The following CHST6 variants were observed in gnomAD, a reference collection of about 807,000 sequenced individuals.
The protein encoded by CHST6 is carbohydrate sulfotransferase 6, also known as N-acetylglucosamine 6-O-sulfotransferase 5.
For missense variants in CHST6, 698 were observed against 586.2 expected (o/e 1.19, Z -1.97); for synonymous variants, 309 against 276.4 (o/e 1.12, Z -1.17).
chr16:75,491,797 C>G (rs978986438), intron 1 of CHST6, among the ~76,000 whole-genome samples: 4 of 152,142 alleles, frequency 2.6e-5, no homozygotes, highest in African/African-American at 7.2e-5. Context: ...TGTCTTTGTC[C>G]AGCTATCACT....
At chr16:75,479,991 A>G (rs907669474) in intron 2 of CHST6, 147 bp from the exon 3 acceptor site, 1 of 695,682 alleles carries the variant, frequency 1.4e-6, no homozygotes, top group Non-Finnish European at 2.4e-6. Context: ...TCTCCCGGAA[A>G]TGTGGCCTTA....
chr16:75,483,687 G>A (rs964589770), intron 1 of CHST6, among the ~76,000 whole-genome samples: 2 of 152,160 alleles, frequency 1.3e-5, no homozygotes, highest in African/African-American at 2.4e-5. Context: ...GTGGGGCTCA[G>A]AGACATGAAT....
rs1272112748 is a variant in CHST6 at position 75,475,537 on chromosome 16, G to C, written c.*3104C>G. Reference sequence around the variant, plus strand: ...GTGATTAAACCTTCCTGTTGGGACTGCACTCTCACAGAGATATAAGACATA... The same window carrying C: ...GTGATTAAACCTTCCTGTTGGGACTCCACTCTCACAGAGATATAAGACATA... On this transcript the variant is annotated 3_prime_UTR_variant, in exon 3 of 3. Coordinates refer to ENST00000332272, the MANE Select transcript of CHST6 (RefSeq NM_021615.5). The C allele has an allele frequency of 3.3e-5, 5 of 152,238 alleles. No individual in the cohort carries two copies. Among genetic ancestry groups the C allele is most frequent in the Admixed American group, 3.3e-4 (5 of 15,278 alleles). The allele number at this position is 152,238 out of a possible 1,614,324, so 9.4% of individuals were successfully genotyped here.
chr16:75,493,703 GTC>G, intron 1 of CHST6, among the ~76,000 whole-genome samples: 1 of 152,276 alleles, frequency 6.6e-6, no homozygotes, highest in African/African-American at 2.4e-5. Context: ...CCAAGGGAAA[GTC>G]TTTGAATGAG....
At position 75,479,365 on chromosome 16, in the gene CHST6, C is replaced by A. The variant is rs763278830; in HGVS notation, c.464G>T (p.Arg155Leu). The change falls in exon 3 of 3, where the codon CGG becomes CTG. Residue 155 changes from arginine (R) to leucine (L), a missense_variant. Transcript: ENST00000332272. ...CTCCCGGGCCAGGGTGAAGGACTGCCGCGCGCACAGTGGCTTGCACACGGC... is the reference window on the plus strand; with the variant it reads ...CTCCCGGGCCAGGGTGAAGGACTGCAGCGCGCACAGTGGCTTGCACACGGC... The part of the protein sequence containing the change: ...SEAVCKPLCA[R>L]QSFTLAREAC... 1.6e-5 allele frequency: 26 copies of A among 1,612,674 alleles called. No homozygotes were observed. The highest frequency in any genetic ancestry group is 5.5e-5 in the South Asian group (5 of 91,070).
In CHST6 at chr16:75,482,740, C is replaced by A. The variant is rs151121109; in HGVS notation, c.-91-849G>T. The stretch of plus-strand genomic sequence containing the variant: ...CCTGCATCCTTTGCTCCTTGCCTGC[C>A]CCCTTCCCCTGTCCACATCGCCCAC... On this transcript the variant is annotated intron_variant, in intron 1 of 2. Transcript: ENST00000332272. 2.3e-4 allele frequency among the ~76,000 whole-genome samples: 35 copies of A among 152,244 alleles called. No homozygotes were observed. In the East Asian group the frequency reaches 6.4e-3, roughly 28 times the overall value.
At chr16:75,480,710 C>A (rs1245159116) in intron 2 of CHST6, among the ~76,000 whole-genome samples, 2 of 151,694 alleles carry the variant, frequency 1.3e-5, no homozygotes, top group East Asian at 1.9e-4. Flanking sequence ...GGGTGGATCA[C>A]CTGAAGTCAG....
rs2080105003 is a variant in CHST6, at chr16:75,479,147, T to TGCCCAGCACGATGCCGTTGTC, written c.661_681dup (p.Asp221_Gly227dup). On this transcript the variant is annotated inframe_insertion, in exon 3 of 3. Coordinates refer to ENST00000332272, the MANE Select transcript of CHST6 (RefSeq NM_021615.5). Reference sequence around the variant, plus strand: ...TCGGCCTCCACCCACGTGCCGTTGGTGCCCAGCACGATGCCGTTGTCACGC... The same window carrying TGCCCAGCACGATGCCGTTGTC: ...TCGGCCTCCACCCACGTGCCGTTGGTGCCCAGCACGATGCCGTTGTCGCCCAGCACGATGCCGTTGTCACGC... 6.2e-7 allele frequency: 1 copy of TGCCCAGCACGATGCCGTTGTC among 1,606,952 alleles called. No homozygotes were observed. The highest frequency in any genetic ancestry group is 2.2e-5 in the East Asian group (1 of 44,834).
At chr16:75,490,659 G>A (rs1450161606) in intron 1 of CHST6, 1 of 152,134 alleles carries the variant, frequency 6.6e-6, no homozygotes, top group Admixed American at 6.6e-5. Context: ...CATAAAATGG[G>A]GATGTCAGAT....
Position 75,472,519 on chromosome 16 carries a change from A to G in CHST6, c.*6122T>C, listed in dbSNP as rs560092668. On this transcript the variant is annotated 3_prime_UTR_variant, in exon 3 of 3. Transcript: ENST00000332272. ...GATGTTCAGCTGCCCCAGGAATTAA[A>G]GAAGTGCAGACTGAAACATCAAGTA... 6.6e-6 allele frequency: 1 copy of G among 152,356 alleles called. No homozygotes were observed. Among genetic ancestry groups the G allele is most frequent in the African/African-American group, 2.4e-5 (1 of 41,590 alleles). 9.4% of individuals were successfully genotyped at this position (152,356 alleles called of 1,614,324 possible). A position where few individuals can be genotyped will look rare whatever the true frequency, so the allele number is the denominator to read the frequency against.
chr16:75,487,682 C>T (rs980018409), intron 1 of CHST6, among the ~76,000 whole-genome samples: 2 of 151,668 alleles, frequency 1.3e-5, no homozygotes, highest in African/African-American at 4.9e-5. Flanking sequence ...ACCTGTAGTC[C>T]CAGCTACTCA....
At chr16:75,481,769 CAG>C (rs2080144402) in intron 2 of CHST6, 46 bp downstream of exon 2, 1 of 473,458 alleles carries the variant, frequency 2.1e-6, no homozygotes. Flanking sequence ...GCCAGAGAAG[CAG>C]AGAGGTGAGA....
intron 1 of CHST6, among the ~76,000 whole-genome samples, chr16:75,485,605 C>T (rs2151669810): frequency 6.6e-6 from 1 of 152,174 alleles, no homozygotes; most frequent in Non-Finnish European, 1.5e-5. Context: ...GGGCTAATTG[C>T]ATTAGATATT....
At position 75,479,555 on chromosome 16, in the gene CHST6, CAG is replaced by C. The variant is rs776082747; in HGVS notation, c.272_273del (p.Ala91GlyfsTer17). 16 of 1,612,878 alleles carry C rather than the reference CAG, an allele frequency of 9.9e-6. No homozygotes were observed. The highest frequency in any genetic ancestry group is 1.4e-5 in the Non-Finnish European group (16 of 1,179,874). ...SQGSAATLHM[A>X]VRDLVRSVFL... is the part of the protein sequence containing the mutation. ...AAGACGGAGCGCACCAGGTCGCGCA[CAG>C]CCATGTGCAGCGTTGCGGCGCTGCC... On this transcript the variant is annotated frameshift_variant, in exon 3 of 3. Coordinates refer to ENST00000332272, the MANE Select transcript of CHST6 (RefSeq NM_021615.5). LOFTEE classifies it low-confidence loss of function (END_TRUNC).
rs762744897 is a variant in CHST6 at position 75,479,814 on chromosome 16, G to C, written c.15C>G (p.Arg5=). ...GCGCGGTCACTGCTGTGCTGGAGAC[G>C]CGCGGCAGCCACATGCTGACTGCTG... MWLP[R]VSSTAVTALL... Residue 5 remains arginine (R), a synonymous_variant, in exon 3 of 3, where the codon CGC becomes CGG. Coordinates refer to ENST00000332272, the MANE Select transcript of CHST6 (RefSeq NM_021615.5). 7.0e-6 allele frequency: 11 copies of C among 1,561,882 alleles called. No individual in the cohort carries two copies. In the Admixed American group the frequency reaches 1.9e-4, roughly 27 times the overall value.
chr16:75,487,375 C>G (rs554668276), intron 1 of CHST6, among the ~76,000 whole-genome samples: 1 of 152,160 alleles, frequency 6.6e-6, no homozygotes, highest in Non-Finnish European at 1.5e-5. Context: ...CTCGACACAG[C>G]AGCTCCAGGC....
intron 2 of CHST6, among the ~76,000 whole-genome samples, chr16:75,480,432 C>T (rs908209325): frequency 6.6e-6 from 1 of 152,110 alleles, no homozygotes; most frequent in African/African-American, 2.4e-5. Flanking sequence ...GAGATGATAC[C>T]AGCACATAAT....
intron 1 of CHST6, among the ~76,000 whole-genome samples, chr16:75,493,000 T>A (rs1234540174): frequency 6.6e-6 from 1 of 152,138 alleles, no homozygotes; most frequent in Non-Finnish European, 1.5e-5. Context: ...TAGGTGATAG[T>A]GAGAAATTAT....
At chr16:75,491,797 C>T (rs978986438) in intron 1 of CHST6, among the ~76,000 whole-genome samples, 1 of 152,142 alleles carries the variant, frequency 6.6e-6, no homozygotes, top group Admixed American at 6.6e-5. Flanking sequence ...TGTCTTTGTC[C>T]AGCTATCACT....
Sources: gnomAD v4.1 joint callset for allele counts (sites outside exome capture counted in the v4.1 genomes callset) on GRCh38, gnomAD v4.1.1 for gene constraint, MANE v1.5 for transcripts, NCBI Gene and HGNC (gene_info 2026-07-23, HGNC 2026-07-21) for gene names.